Variants in BBX observed in about 807,000 individuals in gnomAD.
The protein encoded by BBX is HMG box transcription factor BBX.
In BBX, 30 loss-of-function variants were observed where a neutral mutation model predicts 100.2. The ratio of observed to expected loss-of-function variants is 0.30; its 90% CI spans 0.22 to 0.41. BBX has a LOEUF of 0.41. Ranked by LOEUF, BBX falls within the 10% of genes least tolerant of loss-of-function variation. BBX has a pLI of 1.00. For synonymous variants in BBX, 376 were observed against 388.1 expected, an observed-to-expected ratio of 0.97 and a Z score of 0.37; for missense variants, 1,023 against 1,129.8, an observed-to-expected ratio of 0.91 and a Z score of 1.35.
intron 2 of BBX, among the ~76,000 whole-genome samples, chr3:107,553,685 T>C (rs866327325): frequency 5.3e-5 from 8 of 152,262 alleles, no homozygotes; most frequent in Middle Eastern, 3.4e-3. Flanking sequence ...AGAGGAAGGG[T>C]AGATGAAGAA....
At chr3:107,676,123 A>T (rs938801995) in intron 3 of BBX, among the ~76,000 whole-genome samples, 1 of 152,012 alleles carries the variant, frequency 6.6e-6, no homozygotes, top group Non-Finnish European at 1.5e-5. Context: ...AGAAGCTTTT[A>T]AAAAAAATTA....
chr3:107,610,483 C>T (rs1339215163), intron 2 of BBX, among the ~76,000 whole-genome samples: 1 of 152,010 alleles, frequency 6.6e-6, no homozygotes, highest in African/African-American at 2.4e-5. Flanking sequence ...CTCTCTTTCT[C>T]TTTAGCTCTA....
At chr3:107,682,074 T>C (rs2059599055) in intron 3 of BBX, among the ~76,000 whole-genome samples, 1 of 152,150 alleles carries the variant, frequency 6.6e-6, no homozygotes, top group Non-Finnish European at 1.5e-5. Context: ...TCAGGTGTTG[T>C]AAAAGTGTAC....
intron 7 of BBX, among the ~76,000 whole-genome samples, chr3:107,740,578 C>T (rs2064012311): frequency 6.6e-6 from 1 of 152,166 alleles, no homozygotes; most frequent in Admixed American, 6.5e-5. Flanking sequence ...TGGCTCCTCA[C>T]TGCCTCCAGC....
chr3:107,690,738 T>C (rs748091643), intron 3 of BBX, among the ~76,000 whole-genome samples: 9 of 151,944 alleles, frequency 5.9e-5, no homozygotes, highest in Non-Finnish European at 1.0e-4. Context: ...AATTGGGCTG[T>C]AAGGAAGATA....
At chr3:107,651,704 A>C (rs768321810) in intron 3 of BBX, among the ~76,000 whole-genome samples, 1 of 152,202 alleles carries the variant, frequency 6.6e-6, no homozygotes, top group African/African-American at 2.4e-5. Flanking sequence ...AAATAATGCC[A>C]ACAGAAGTCA....
At chr3:107,551,696 T>C (rs1376678140) in intron 2 of BBX, among the ~76,000 whole-genome samples, 2 of 152,262 alleles carry the variant, frequency 1.3e-5, no homozygotes, top group Admixed American at 6.5e-5. Context: ...CCAGACACTT[T>C]ATTTCAACAG....
chr3:107,550,208 A>G (rs2049554972), intron 2 of BBX, among the ~76,000 whole-genome samples: 1 of 152,146 alleles, frequency 6.6e-6, no homozygotes, highest in African/African-American at 2.4e-5. Flanking sequence ...GACCTTAATG[A>G]GATAACACAA....
intron 2 of BBX, among the ~76,000 whole-genome samples, chr3:107,600,522 A>G (rs2053987862): frequency 6.6e-6 from 1 of 152,166 alleles, no homozygotes; most frequent in South Asian, 2.1e-4. Flanking sequence ...TAAATTGTTT[A>G]AGTTAATTTA....
chr3:107,711,857 A>G (rs1269502220), intron 4 of BBX, among the ~76,000 whole-genome samples: 2 of 151,292 alleles, frequency 1.3e-5, no homozygotes, highest in East Asian at 3.9e-4. Context: ...TTGGCCACCC[A>G]CACCTGTTTC....
chr3:107,695,544 C>T (rs1371268001), intron 3 of BBX, among the ~76,000 whole-genome samples: 1 of 148,480 alleles, frequency 6.7e-6, no homozygotes, highest in Admixed American at 6.7e-5. Flanking sequence ...AGTTTGATTG[C>T]ACTGTGGTCT....
intron 3 of BBX, among the ~76,000 whole-genome samples, chr3:107,655,802 G>A (rs1368107994): frequency 2.0e-5 from 3 of 151,742 alleles, no homozygotes; most frequent in Middle Eastern, 3.4e-3. Context: ...CCGGATTCGC[G>A]CCATTCTCCT....
chr3:107,756,242 G>C (rs914822321), intron 10 of BBX, among the ~76,000 whole-genome samples: 1 of 152,106 alleles, frequency 6.6e-6, no homozygotes, highest in Admixed American at 6.5e-5. Flanking sequence ...GGATGGATTG[G>C]GGAGGAAGAC....
chr3:107,790,153 T>C (rs1040828816), intron 14 of BBX, among the ~76,000 whole-genome samples: 6 of 152,226 alleles, frequency 3.9e-5, no homozygotes, highest in Non-Finnish European at 8.8e-5. Context: ...TGGTGCGTTT[T>C]GCAATTCAGT....
At chr3:107,629,383 C>A (rs2056406769) in intron 2 of BBX, among the ~76,000 whole-genome samples, 1 of 152,122 alleles carries the variant, frequency 6.6e-6, no homozygotes, top group African/African-American at 2.4e-5. Flanking sequence ...GACAAAGATA[C>A]CGATGAATTA....
intron 2 of BBX, among the ~76,000 whole-genome samples, chr3:107,559,565 G>A (rs1331842381): frequency 6.6e-6 from 1 of 152,174 alleles, no homozygotes; most frequent in Admixed American, 6.5e-5. Flanking sequence ...TAGGCAAGAG[G>A]CATCCCATGT....
At chr3:107,529,216 C>G (rs1418756854) in intron 2 of BBX, among the ~76,000 whole-genome samples, 2 of 152,166 alleles carry the variant, frequency 1.3e-5, no homozygotes, top group African/African-American at 4.8e-5. Context: ...CGTGGCATAC[C>G]TGTGCTTTAA....
intron 2 of BBX, among the ~76,000 whole-genome samples, chr3:107,618,598 A>G (rs1403284355): frequency 6.6e-6 from 1 of 151,990 alleles, no homozygotes; most frequent in African/African-American, 2.4e-5. Flanking sequence ...CTATATTTTC[A>G]TGTTCACTTG....
intron 3 of BBX, among the ~76,000 whole-genome samples, chr3:107,693,872 C>G (rs1288700551): frequency 6.7e-6 from 1 of 149,190 alleles, no homozygotes; most frequent in African/African-American, 2.5e-5. Flanking sequence ...CTTTTATTTC[C>G]TTGAGCAGTG....
Sources: gnomAD v4.1 joint callset for allele counts (sites outside exome capture counted in the v4.1 genomes callset) on GRCh38, gnomAD v4.1.1 for gene constraint, MANE v1.5 for transcripts, NCBI Gene and HGNC (gene_info 2026-07-23, HGNC 2026-07-21) for gene names.